PHACTR1: variants seen among roughly 807,000 people sequenced by gnomAD.
The protein encoded by PHACTR1 is RPEL repeat containing 1.
PHACTR1 carries 16 observed loss-of-function variants against 69.2 expected under a neutral mutation model. The ratio of observed to expected loss-of-function variants is 0.23; its 90% CI spans 0.16 to 0.35. The LOEUF is 0.35. Among genes scored for constraint, PHACTR1 ranks in the 10% least tolerant of loss-of-function variants. The pLI is 1.00. For missense variants in PHACTR1, 510 were observed against 734.7 expected (o/e 0.69, Z 3.54); for synonymous variants, 312 against 284.5 (o/e 1.10, Z -0.97).
chr6:12,777,068 T>A (rs192137700), intron 4 of PHACTR1, among the ~76,000 whole-genome samples: 177 of 152,282 alleles, frequency 1.2e-3, no homozygotes, highest in African/African-American at 4.1e-3. Flanking sequence ...GGTGTGCCCA[T>A]AGCATCTATG....
chr6:13,195,427 G>T (rs940601447), intron 7 of PHACTR1, among the ~76,000 whole-genome samples: 2 of 152,124 alleles, frequency 1.3e-5, no homozygotes, highest in African/African-American at 2.4e-5. Flanking sequence ...TACAGCAGCA[G>T]TTACAAATGG....
chr6:13,022,067 C>A (rs763465894), intron 4 of PHACTR1, among the ~76,000 whole-genome samples: 1 of 152,236 alleles, frequency 6.6e-6, no homozygotes, highest in Non-Finnish European at 1.5e-5. Flanking sequence ...CCTGGAGATT[C>A]ACACTTTACT....
chr6:12,744,322 T>C lies in PHACTR1; in HGVS notation c.104-5322T>C, dbSNP rs559845149. On this transcript the variant is annotated intron_variant, in intron 3 of 14. Transcript: ENST00000332995. ...AGAAAGCAGATTCTCATTGCACTTATGCAAACAAGTATATTGCCATAAGTT... is the reference window on the plus strand; with the variant it reads ...AGAAAGCAGATTCTCATTGCACTTACGCAAACAAGTATATTGCCATAAGTT... Among the ~76,000 whole-genome samples, 3 of 152,348 alleles carry C rather than the reference T, an allele frequency of 2.0e-5. No individual in the cohort carries two copies. In the South Asian group the frequency reaches 6.2e-4, roughly 32 times the overall value.
At chr6:13,267,838 G>GAAAAAAAAAAAAAAAAAAAAAAA (rs558900640) in intron 10 of PHACTR1, 1 of 101,084 alleles carries the variant, frequency 9.9e-6, no homozygotes, top group Non-Finnish European at 1.8e-5. Context: ...GGAATGATCT[G>GAAAAAAAAAAAAAAAAAAAAAAA]AAAAAAAAAA....
intron 5 of PHACTR1, among the ~76,000 whole-genome samples, chr6:13,142,896 C>T (rs1037284288): frequency 5.3e-5 from 8 of 151,888 alleles, no homozygotes; most frequent in Non-Finnish European, 8.8e-5. Flanking sequence ...TAATTAAAAA[C>T]CTTGCCAAAA....
intron 5 of PHACTR1, among the ~76,000 whole-genome samples, chr6:13,135,260 C>A (rs1451388899): frequency 6.6e-6 from 1 of 152,216 alleles, no homozygotes; most frequent in Non-Finnish European, 1.5e-5. Flanking sequence ...TCCGGTAGGG[C>A]AGTCCTGGGA....
intron 8 of PHACTR1, among the ~76,000 whole-genome samples, chr6:13,227,305 T>C (rs1409835182): frequency 2.0e-5 from 3 of 152,226 alleles, no homozygotes; most frequent in African/African-American, 4.8e-5. Flanking sequence ...TCAGTCCCTA[T>C]TAGTCGCCCT....
At chr6:13,285,711 C>A (rs770929836) in intron 13 of PHACTR1, among the ~76,000 whole-genome samples, 17 of 152,170 alleles carry the variant, frequency 1.1e-4, no homozygotes, top group Non-Finnish European at 2.1e-4. Context: ...CATCACCTGT[C>A]CCCCTAATTT....
At chr6:12,980,408 G>A (rs778671062) in intron 4 of PHACTR1, among the ~76,000 whole-genome samples, 10 of 151,970 alleles carry the variant, frequency 6.6e-5, no homozygotes, top group Non-Finnish European at 1.0e-4. Flanking sequence ...CTAGACTCAG[G>A]GCACCAGGAT....
intron 4 of PHACTR1, among the ~76,000 whole-genome samples, chr6:12,915,815 G>C (rs1786924666): frequency 6.6e-6 from 1 of 152,142 alleles, no homozygotes; most frequent in Non-Finnish European, 1.5e-5. Flanking sequence ...CTCTGAGTTA[G>C]TTCATCCTCT....
intron 9 of PHACTR1, among the ~76,000 whole-genome samples, chr6:13,229,238 T>C (rs1770367286): frequency 6.6e-6 from 1 of 152,250 alleles, no homozygotes; most frequent in South Asian, 2.1e-4. Context: ...GTGGGATGTT[T>C]ACAGGCATCC....
At chr6:12,901,696 A>G (rs917569857) in intron 4 of PHACTR1, among the ~76,000 whole-genome samples, 8 of 152,170 alleles carry the variant, frequency 5.3e-5, no homozygotes, top group African/African-American at 1.9e-4. Context: ...GGGTTTCACC[A>G]TGTTGGTCAG....
chr6:13,122,600 T>C (rs1818908050), intron 5 of PHACTR1, among the ~76,000 whole-genome samples: 1 of 152,206 alleles, frequency 6.6e-6, no homozygotes, highest in African/African-American at 2.4e-5. Flanking sequence ...GTTGTTGAAA[T>C]GGGGGATGAG....
At chr6:13,224,820 C>T (rs866862952) in intron 8 of PHACTR1, among the ~76,000 whole-genome samples, 4 of 152,178 alleles carry the variant, frequency 2.6e-5, no homozygotes, top group South Asian at 2.1e-4. Flanking sequence ...CTCTTAGATC[C>T]GAGTTTTAGA....
chr6:12,718,156 T>C (rs1435207401), intron 2 of PHACTR1, among the ~76,000 whole-genome samples: 2 of 152,164 alleles, frequency 1.3e-5, no homozygotes, highest in Non-Finnish European at 2.9e-5. Flanking sequence ...TAGCACTTTA[T>C]AAAATGTGCT....
intron 4 of PHACTR1, among the ~76,000 whole-genome samples, chr6:13,030,005 G>T (rs1802229738): frequency 6.6e-6 from 1 of 152,214 alleles, no homozygotes; most frequent in South Asian, 2.1e-4. Flanking sequence ...TGGTGAATCT[G>T]ATAGCATCCA....
intron 6 of PHACTR1, among the ~76,000 whole-genome samples, chr6:13,171,827 C>G (rs918495038): frequency 6.6e-6 from 1 of 152,084 alleles, no homozygotes; most frequent in East Asian, 1.9e-4. Flanking sequence ...AATGCAATGG[C>G]GCAATCTCGG....
chr6:13,274,400 T>G (rs973166649), intron 11 of PHACTR1: 1 of 152,186 alleles, frequency 6.6e-6, no homozygotes, highest in Non-Finnish European at 1.5e-5. Context: ...AGGGAAGCAT[T>G]TGGCTTGTAG....
At chr6:13,231,105 GAAAGAA>G (rs1770964525) in intron 10 of PHACTR1, among the ~76,000 whole-genome samples, 4 of 99,250 alleles carry the variant, frequency 4.0e-5, no homozygotes, top group South Asian at 3.5e-4. Flanking sequence ...GAAGGGAAAA[GAAAGAA>G]GGAAAGAGAG....
Sources: allele counts gnomAD v4.1 joint callset (sites outside exome capture counted in the v4.1 genomes callset), GRCh38; gene constraint gnomAD v4.1.1; transcripts MANE v1.5; gene names NCBI Gene and HGNC (gene_info 2026-07-23, HGNC 2026-07-21).